KLHL14: variants seen among roughly 807,000 people sequenced by gnomAD.
KLHL14 encodes kelch-like protein 14.
In KLHL14, 22 loss-of-function variants were observed where a neutral mutation model predicts 64.3. The observed-to-expected ratio is 0.34, with a 90% CI of 0.24 to 0.49. KLHL14 has a LOEUF of 0.49. KLHL14 is among the 20% of genes least tolerant of loss of function. The pLI is 0.99. For synonymous variants in KLHL14, 322 were observed against 333.4 expected (o/e 0.97, Z 0.37); for missense variants, 661 against 789.0 (o/e 0.84, Z 1.94).
intron 3 of KLHL14, among the ~76,000 whole-genome samples, chr18:32,702,562 T>C (rs1347115502): frequency 1.3e-5 from 2 of 151,780 alleles, no homozygotes; most frequent in Admixed American, 6.6e-5. Context: ...ATAGATATTA[T>C]TGAATAAATA....
intron 2 of KLHL14, among the ~76,000 whole-genome samples, chr18:32,751,700 T>C (rs1018409985): frequency 2.0e-5 from 3 of 152,200 alleles, no homozygotes; most frequent in African/African-American, 7.2e-5. Context: ...ACTTTAAGAT[T>C]TGTTTGATTA....
At chr18:32,708,789 G>A (rs1321981242) in intron 3 of KLHL14, among the ~76,000 whole-genome samples, 2 of 152,178 alleles carry the variant, frequency 1.3e-5, no homozygotes, top group Non-Finnish European at 2.9e-5. Context: ...TACAGCAATA[G>A]AGAAGCAGGT....
chr18:32,737,084 G>C (rs1019411516), intron 3 of KLHL14, among the ~76,000 whole-genome samples: 1 of 152,042 alleles, frequency 6.6e-6, no homozygotes, highest in Non-Finnish European at 1.5e-5. Context: ...GGCATTTTCA[G>C]AGTCGTTCAA....
intron 2 of KLHL14, among the ~76,000 whole-genome samples, chr18:32,751,097 G>A (rs1194243056): frequency 6.6e-6 from 1 of 152,122 alleles, no homozygotes; most frequent in Non-Finnish European, 1.5e-5. Flanking sequence ...TCAGATCGTG[G>A]GGAGGAAGTA....
intron 3 of KLHL14, chr18:32,738,046 AG>A (rs1362891065): frequency 6.6e-6 from 1 of 152,176 alleles, no homozygotes; most frequent in Non-Finnish European, 1.5e-5. Flanking sequence ...TCTAATAAAT[AG>A]AATCTCTTAT....
intron 2 of KLHL14, among the ~76,000 whole-genome samples, chr18:32,748,346 T>A (rs1347390109): frequency 1.4e-5 from 2 of 147,844 alleles, no homozygotes; most frequent in Non-Finnish European, 3.0e-5. Flanking sequence ...GTATTTTGTA[T>A]TTTTGTATTT....
chr18:32,719,568 T>G (rs2050065482), intron 3 of KLHL14, among the ~76,000 whole-genome samples: 1 of 152,238 alleles, frequency 6.6e-6, no homozygotes, highest in African/African-American at 2.4e-5. Flanking sequence ...AAACTGACTT[T>G]GATGTCATCC....
intron 3 of KLHL14, among the ~76,000 whole-genome samples, chr18:32,712,517 GC>G (rs1208613447): frequency 6.6e-5 from 10 of 152,034 alleles, no homozygotes; most frequent in Non-Finnish European, 1.5e-4. Flanking sequence ...ATTTCTTCCA[GC>G]AATTTTATTA....
chr18:32,757,406 G>A (rs2050287571), intron 2 of KLHL14, among the ~76,000 whole-genome samples: 1 of 152,172 alleles, frequency 6.6e-6, no homozygotes, highest in Admixed American at 6.5e-5. Context: ...TATGTGTGGT[G>A]AAGCCCTCCA....
chr18:32,766,125 CTTAA>C (rs1278568081), intron 2 of KLHL14, among the ~76,000 whole-genome samples: 2 of 151,922 alleles, frequency 1.3e-5, no homozygotes, highest in African/African-American at 4.8e-5. Flanking sequence ...TTTTCATAAT[CTTAA>C]TTCATTCAAC....
At chr18:32,739,138 A>G (rs1037222960) in intron 3 of KLHL14, among the ~76,000 whole-genome samples, 144 of 152,238 alleles carry the variant, frequency 9.5e-4, no homozygotes, top group Non-Finnish European at 2.8e-4. Context: ...CATTCAATAA[A>G]TAAGTAGACC....
At chr18:32,728,890 C>T (rs571096977) in intron 3 of KLHL14, among the ~76,000 whole-genome samples, 62 of 152,222 alleles carry the variant, frequency 4.1e-4, no homozygotes, top group African/African-American at 1.1e-3. Context: ...CTGGAAGCCA[C>T]GAGAAGTTAG....
At chr18:32,701,523 G>T (rs80038899) in intron 3 of KLHL14, among the ~76,000 whole-genome samples, 17 of 152,174 alleles carry the variant, frequency 1.1e-4, no homozygotes, top group African/African-American at 3.6e-4. Flanking sequence ...GAAGTCAGCA[G>T]GCAGACACAG....
intron 3 of KLHL14, among the ~76,000 whole-genome samples, chr18:32,731,774 GTA>G (rs1269298476): frequency 6.6e-6 from 1 of 151,628 alleles, no homozygotes; most frequent in Non-Finnish European, 1.5e-5. Context: ...TATTTTAGAT[GTA>G]TAATAGTTTA....
At chr18:32,702,586 T>C (rs550299519) in intron 3 of KLHL14, among the ~76,000 whole-genome samples, 30 of 151,728 alleles carry the variant, frequency 2.0e-4, no homozygotes, top group Non-Finnish European at 4.0e-4. Context: ...TAAGATATTA[T>C]TAAATAAATA....
chr18:32,757,390 T>C (rs2050287449), intron 2 of KLHL14, among the ~76,000 whole-genome samples: 1 of 152,216 alleles, frequency 6.6e-6, no homozygotes, highest in Non-Finnish European at 1.5e-5. Context: ...GGAATCCACT[T>C]GGTGATATGT....
intron 4 of KLHL14, among the ~76,000 whole-genome samples, chr18:32,688,972 T>G (rs1209063401): frequency 6.6e-6 from 1 of 152,182 alleles, no homozygotes. Context: ...TAAAATTTCC[T>G]GAGGGCTTGA....
intron 3 of KLHL14, among the ~76,000 whole-genome samples, chr18:32,721,620 A>AT (rs1239310181): frequency 6.6e-6 from 1 of 152,074 alleles, no homozygotes; most frequent in Admixed American, 6.5e-5. Flanking sequence ...TTGATACATT[A>AT]TTTTTCAATG....
At position 32,683,201 on chromosome 18, in the gene KLHL14, G is replaced by A. The variant is rs1181371653; in HGVS notation, c.1239-2602C>T. Among the ~76,000 whole-genome samples, 2 of 152,038 alleles carry A rather than the reference G, an allele frequency of 1.3e-5. No individual in the cohort carries two copies. Among genetic ancestry groups the A allele is most frequent in the Non-Finnish European group, 2.9e-5 (2 of 68,014 alleles). The stretch of plus-strand genomic sequence containing the variant: ...AGAACCTGCTCTCTTTTCTAGCCAA[G>A]GCGTTCTTCATGCGACACTTCGTGT... On this transcript the variant is annotated intron_variant, in intron 5 of 8. Coordinates refer to ENST00000359358, the MANE Select transcript of KLHL14 (RefSeq NM_020805.3). This position sits in a 1 kb window ranked among gnomAD's most constrained non-coding sequence, Gnocchi z 4.2.
Sources: gnomAD v4.1 joint callset for allele counts (sites outside exome capture counted in the v4.1 genomes callset) on GRCh38, gnomAD v4.1.1 for gene constraint, Gnocchi (gnomAD v3.1) non-coding constraint, MANE v1.5 for transcripts, NCBI Gene and HGNC (gene_info 2026-07-23, HGNC 2026-07-21) for gene names.